The following CENPQ variants were observed in gnomAD, a reference collection of about 807,000 sequenced individuals.
CENPQ encodes centromere protein Q.
In CENPQ, 27 loss-of-function variants were observed where a neutral mutation model predicts 36.6. The ratio of observed to expected loss-of-function variants is 0.74; its 90% CI spans 0.54 to 1.02. CENPQ has a LOEUF of 1.02. Among genes scored for constraint, CENPQ ranks in the 50% least tolerant of loss-of-function variants. CENPQ has a pLI of 0.00. For synonymous variants in CENPQ, 101 were observed against 101.7 expected (o/e 0.99, Z 0.04); for missense variants, 306 against 301.8 (o/e 1.01, Z -0.10).
At chr6:49,487,244 C>T (rs1286844767) in intron 6 of CENPQ, among the ~76,000 whole-genome samples, 1 of 137,272 alleles carries the variant, frequency 7.3e-6, no homozygotes, top group East Asian at 2.3e-4. Flanking sequence ...GTCCCAAAAT[C>T]TTAGGCATTC....
chr6:49,470,622 C>CAAAAA (rs1199878940), intron 2 of CENPQ, among the ~76,000 whole-genome samples: 12 of 66,370 alleles, frequency 1.8e-4, no homozygotes, highest in East Asian at 5.0e-4. Context: ...GACTCCGTCT[C>CAAAAA]AAAAAAAAAA....
intron 5 of CENPQ, among the ~76,000 whole-genome samples, chr6:49,476,064 G>GAA (rs200353570): frequency 6.8e-6 from 1 of 146,686 alleles, no homozygotes; most frequent in East Asian, 2.0e-4. Context: ...CACAGAATTG[G>GAA]AAAAAAAAAA....
rs1380417173 is a variant in CENPQ at position 49,492,436 on chromosome 6, C to G, written c.*161C>G. 1.6e-6 allele frequency: 1 copy of G among 626,162 alleles called. No individual in the cohort carries two copies. Among genetic ancestry groups the G allele is most frequent in the Non-Finnish European group, 2.5e-6 (1 of 392,380 alleles). The allele number at this position is 626,162 out of a possible 1,614,324, so 38.8% of individuals were successfully genotyped here. A position where few individuals can be genotyped will look rare whatever the true frequency, so the allele number is the denominator to read the frequency against. On this transcript the variant is annotated 3_prime_UTR_variant, in exon 9 of 9. Coordinates refer to ENST00000335783, the MANE Select transcript of CENPQ (RefSeq NM_018132.4). ...GTCTTTGTAGTTCTATCATTAGCAT[C>G]TAATGTAGTTCTGAAGACTGTTTTT...
chr6:49,464,445 T>G (rs997474646), intron 1 of CENPQ, among the ~76,000 whole-genome samples: 1 of 152,194 alleles, frequency 6.6e-6, no homozygotes, highest in Non-Finnish European at 1.5e-5. Flanking sequence ...TGGCAGTTTC[T>G]TAAAATAACA....
intron 1 of CENPQ, among the ~76,000 whole-genome samples, chr6:49,468,306 G>A (rs200106904): frequency 1.3e-3 from 196 of 152,016 alleles, no homozygotes; most frequent in African/African-American, 4.6e-3. Context: ...ATAAGAGCAA[G>A]TGTTGGCCGG....
In CENPQ at chr6:49,472,847, C is replaced by A; in HGVS notation, c.336C>A (p.Phe112Leu). 6.9e-7 allele frequency: 1 copy of A among 1,440,194 alleles called. No individual in the cohort carries two copies. The highest frequency in any genetic ancestry group is 9.4e-7 in the Non-Finnish European group (1 of 1,062,252). 89.2% of individuals were successfully genotyped at this position (1,440,194 alleles called of 1,614,324 possible). ...EKEEIQYHLN[F>L]LKKRLLQQCE... ...AAGAAATACAATACCATCTCAACTT[C>A]CTGAAGAAAAGGTAATACTATTGCA... The change falls in exon 5 of 9, where the codon TTC becomes TTA. Residue 112 changes from phenylalanine to leucine, a missense_variant. Coordinates refer to ENST00000335783, the MANE Select transcript of CENPQ (RefSeq NM_018132.4).
chr6:49,488,522 T>A (rs1768643621), intron 7 of CENPQ, 51 bp downstream of exon 7: 3 of 1,591,186 alleles, frequency 1.9e-6, no homozygotes, highest in Non-Finnish European at 2.6e-6. Context: ...TTTTAATGGT[T>A]AAATTATGCA....
At chr6:49,488,119 T>A (rs1768632606) in intron 6 of CENPQ, among the ~76,000 whole-genome samples, 1 of 152,194 alleles carries the variant, frequency 6.6e-6, no homozygotes, top group Admixed American at 6.5e-5. Flanking sequence ...TTCATGTACA[T>A]CTCCTTATTC....
chr6:49,475,028 C>CA (rs1001323823), intron 5 of CENPQ, among the ~76,000 whole-genome samples: 5 of 151,944 alleles, frequency 3.3e-5, no homozygotes, highest in African/African-American at 4.8e-5. Flanking sequence ...GCCTACCAAC[C>CA]AAAAAAAGTC....
chr6:49,484,705 T>C (rs767167869), intron 6 of CENPQ, among the ~76,000 whole-genome samples: 14 of 152,204 alleles, frequency 9.2e-5, no homozygotes, highest in Admixed American at 2.0e-4. Context: ...AGCACAAATC[T>C]ATATGTATTT....
intron 3 of CENPQ, among the ~76,000 whole-genome samples, chr6:49,471,420 G>C (rs994394642): frequency 6.6e-6 from 1 of 152,180 alleles, no homozygotes; most frequent in Non-Finnish European, 1.5e-5. Context: ...CTAGTTTAGA[G>C]TAGTTGCCTT....
intron 5 of CENPQ, among the ~76,000 whole-genome samples, chr6:49,478,495 G>C (rs1308281550): frequency 6.6e-6 from 1 of 151,920 alleles, no homozygotes; most frequent in African/African-American, 2.4e-5. Flanking sequence ...CTAAACGTTA[G>C]CTTCATTATT....
At chr6:49,491,749 C>T (rs1380033941) in intron 8 of CENPQ, among the ~76,000 whole-genome samples, 2 of 152,102 alleles carry the variant, frequency 1.3e-5, no homozygotes, top group Non-Finnish European at 2.9e-5. Context: ...AACCCCATCT[C>T]TACTAAAAAT....
chr6:49,488,746 C>G, intron 8 of CENPQ, 62 bp downstream of exon 8: 1 of 1,357,012 alleles, frequency 7.4e-7, no homozygotes, highest in Non-Finnish European at 1.1e-6. Flanking sequence ...AATTTGGATT[C>G]AGACCACAGC....
At chr6:49,492,012 G>A (rs1768731626) in intron 8 of CENPQ, 132 bp from the exon 9 acceptor site, 2 of 662,016 alleles carry the variant, frequency 3.0e-6, no homozygotes, top group Admixed American at 3.3e-5. Context: ...AAAGAAGAAT[G>A]GCGATTCGTT....
At chr6:49,474,421 G>A (rs1768223294) in intron 5 of CENPQ, among the ~76,000 whole-genome samples, 1 of 151,944 alleles carries the variant, frequency 6.6e-6, no homozygotes. Context: ...ATGACTACTG[G>A]GTACATAACG....
chr6:49,472,715 CAG>C, intron 4 of CENPQ, 73 bp from the exon 5 acceptor site: 1 of 1,189,288 alleles, frequency 8.4e-7, no homozygotes, highest in Non-Finnish European at 1.1e-6. Flanking sequence ...TGAGAGAAAT[CAG>C]AGAGAAAAAG....
chr6:49,476,749 A>T (rs1768302520), intron 5 of CENPQ, among the ~76,000 whole-genome samples: 1 of 152,260 alleles, frequency 6.6e-6, no homozygotes, highest in African/African-American at 2.4e-5. Flanking sequence ...CCTATCACAA[A>T]GTGGGCAAAG....
intron 1 of CENPQ, among the ~76,000 whole-genome samples, chr6:49,466,231 A>G (rs1767997787): frequency 1.3e-5 from 2 of 152,212 alleles, no homozygotes; most frequent in South Asian, 4.1e-4. Context: ...GTGCCCTAAA[A>G]CAATTACAGA....
Sources: allele counts gnomAD v4.1 joint callset (sites outside exome capture counted in the v4.1 genomes callset), GRCh38; gene constraint gnomAD v4.1.1; transcripts MANE v1.5; gene names NCBI Gene and HGNC (gene_info 2026-07-23, HGNC 2026-07-21).